Variants in CDK14 observed in about 807,000 individuals in gnomAD.
CDK14 encodes the protein cyclin-dependent kinase 14.
CDK14 carries 34 observed loss-of-function variants against 60.7 expected under a neutral mutation model. That is an observed-to-expected ratio of 0.56 (90% confidence interval 0.43 to 0.75). The LOEUF is 0.75. Among genes scored for constraint, CDK14 ranks in the 30% least tolerant of loss-of-function variants. The pLI is 0.00. For synonymous variants in CDK14, 197 were observed against 203.7 expected, an observed-to-expected ratio of 0.97 and a Z score of 0.28; for missense variants, 482 against 564.1, an observed-to-expected ratio of 0.85 and a Z score of 1.47.
chr7:91,084,094 A>G (rs1173504963), intron 12 of CDK14, among the ~76,000 whole-genome samples: 1 of 152,244 alleles, frequency 6.6e-6, no homozygotes, highest in African/African-American at 2.4e-5. Context: ...GCCTAAAATT[A>G]AAAACAGGCT....
chr7:90,914,788 A>T (rs1232011458), intron 7 of CDK14, among the ~76,000 whole-genome samples: 1 of 152,194 alleles, frequency 6.6e-6, no homozygotes, highest in Admixed American at 6.5e-5. Flanking sequence ...TGATTTACCT[A>T]TGTCTGCCCT....
At chr7:91,182,668 G>A (rs1802041351) in intron 14 of CDK14, among the ~76,000 whole-genome samples, 1 of 152,068 alleles carries the variant, frequency 6.6e-6, no homozygotes, top group South Asian at 2.1e-4. Flanking sequence ...GGTAAATGGT[G>A]ATGTGCTTCT....
At chr7:90,909,389 A>G (rs966701650) in intron 7 of CDK14, among the ~76,000 whole-genome samples, 4 of 151,638 alleles carry the variant, frequency 2.6e-5, no homozygotes, top group African/African-American at 9.7e-5. Flanking sequence ...TCTAATACTA[A>G]TTTTAGGCAG....
At chr7:90,644,285 AAC>A (rs1242241888) in intron 2 of CDK14, among the ~76,000 whole-genome samples, 1 of 152,222 alleles carries the variant, frequency 6.6e-6, no homozygotes, top group East Asian at 1.9e-4. Context: ...AGCAGACGAA[AAC>A]AGTCATAATG....
intron 9 of CDK14, among the ~76,000 whole-genome samples, chr7:90,983,088 T>C (rs961808983): frequency 1.3e-5 from 2 of 152,162 alleles, no homozygotes; most frequent in Non-Finnish European, 2.9e-5. Context: ...GGAATGCTCA[T>C]ACACTGTTCA....
intron 14 of CDK14, among the ~76,000 whole-genome samples, chr7:91,139,044 C>T (rs1216751298): frequency 6.6e-6 from 1 of 152,186 alleles, no homozygotes; most frequent in African/African-American, 2.4e-5. Context: ...GAGAATCTGT[C>T]CTTCTTAGAC....
At chr7:90,980,729 C>T (rs748914807) in intron 9 of CDK14, among the ~76,000 whole-genome samples, 51 of 152,020 alleles carry the variant, frequency 3.4e-4, no homozygotes, top group Admixed American at 1.0e-3. Context: ...AAAAAGATGA[C>T]GTCATAGGAA....
intron 2 of CDK14, among the ~76,000 whole-genome samples, chr7:90,692,223 T>C (rs1801567664): frequency 6.6e-6 from 1 of 152,196 alleles, no homozygotes; most frequent in Admixed American, 6.5e-5. Flanking sequence ...TGCTTCTTTT[T>C]CTGTAAGACA....
In CDK14 at chr7:91,036,298, A is replaced by AC. The variant is rs201625935; in HGVS notation, c.1042-9594dup. On this transcript the variant is annotated intron_variant, in intron 10 of 14. Transcript: ENST00000380050. ...TTCTTGCTGGCTGTTGGCTGAAGCC[A>AC]CCCCCAGTTCCTTGCCTTCAGGCCT... 9.2e-3 allele frequency among the ~76,000 whole-genome samples: 1,405 copies of AC among 152,056 alleles called. 13 individuals are homozygous for AC. The highest frequency in any genetic ancestry group is 0.027 in the Middle Eastern group (8 of 294).
chr7:90,820,882 G>T lies in CDK14; in HGVS notation c.544+30230G>T, dbSNP rs191286878. On this transcript the variant is annotated intron_variant, in intron 5 of 14. Transcript: ENST00000380050. ...ACCACGTATCCCAATTGCCTTCAGG[G>T]TTTACATTGTTTTCATTAACTGAAA... Among the ~76,000 whole-genome samples the T allele has an allele frequency of 4.2e-3, 640 of 152,222 alleles. 4 individuals carry two copies. Among genetic ancestry groups the T allele is most frequent in the Non-Finnish European group, 7.2e-3 (487 of 68,020 alleles).
chr7:91,112,809 T>C, intron 13 of CDK14, 128 bp downstream of exon 13: 2 of 951,470 alleles, frequency 2.1e-6, no homozygotes, highest in Non-Finnish European at 3.2e-6. Flanking sequence ...TGTATGTTTG[T>C]ATGTGCATTA....
chr7:90,650,037 G>C (rs1247222635), intron 2 of CDK14, among the ~76,000 whole-genome samples: 1 of 152,156 alleles, frequency 6.6e-6, no homozygotes, highest in Non-Finnish European at 1.5e-5. Flanking sequence ...TCACCACACT[G>C]TCTTCCACAA....
chr7:91,152,788 G>T (rs1051232109), intron 14 of CDK14, among the ~76,000 whole-genome samples: 1 of 152,194 alleles, frequency 6.6e-6, no homozygotes, highest in Middle Eastern at 3.2e-3. Flanking sequence ...ACTCAGGTTA[G>T]CATGTCAGCA....
intron 5 of CDK14, among the ~76,000 whole-genome samples, chr7:90,859,684 A>G (rs1790941289): frequency 6.6e-6 from 1 of 152,100 alleles, no homozygotes; most frequent in Non-Finnish European, 1.5e-5. Context: ...AGAATCCCCA[A>G]CCAGTGTGAT....
chr7:90,799,838 C>G (rs73707888), intron 5 of CDK14, among the ~76,000 whole-genome samples: 2,076 of 151,742 alleles, frequency 0.014, 40 homozygotes, highest in African/African-American at 0.046. Context: ...GTGTTATTGC[C>G]ATTAAGTCAA....
rs975721179 is a variant in CDK14 at position 90,907,012 on chromosome 7, C to A, written c.702+7659C>A. Among the ~76,000 whole-genome samples the A allele has an allele frequency of 2.6e-5, 4 of 152,068 alleles. No homozygotes were observed. The East Asian group carries it at 5.8e-4, about 22-fold the overall frequency. ...TTCTGAAATAAATATTCACTAATAA[C>A]AAATGGTTTATTTCTAGCATAATAT... is the stretch of plus-strand genomic sequence containing the variant. On this transcript the variant is annotated intron_variant, in intron 7 of 14. Transcript: ENST00000380050.
At chr7:90,951,470 T>G (rs1195261059) in intron 8 of CDK14, among the ~76,000 whole-genome samples, 2 of 152,218 alleles carry the variant, frequency 1.3e-5, no homozygotes, top group Non-Finnish European at 2.9e-5. Context: ...TTTCACTTAG[T>G]TAGAAAGGAG....
chr7:90,977,304 G>T (rs1795099923), intron 9 of CDK14, among the ~76,000 whole-genome samples: 1 of 152,112 alleles, frequency 6.6e-6, no homozygotes, highest in Non-Finnish European at 1.5e-5. Context: ...TTTTGCCAGG[G>T]AAGAAGCCTT....
At chr7:91,041,856 T>G (rs1486408576) in intron 10 of CDK14, among the ~76,000 whole-genome samples, 2 of 152,188 alleles carry the variant, frequency 1.3e-5, no homozygotes, top group Non-Finnish European at 2.9e-5. Context: ...GACACACCAT[T>G]CATTCATTCA....
Sources: allele counts gnomAD v4.1 joint callset (sites outside exome capture counted in the v4.1 genomes callset), GRCh38; gene constraint gnomAD v4.1.1; transcripts MANE v1.5; gene names NCBI Gene and HGNC (gene_info 2026-07-23, HGNC 2026-07-21).